The following PRIM1 variants were observed in gnomAD, a reference collection of about 807,000 sequenced individuals.
The protein encoded by PRIM1 is DNA primase small subunit.
PRIM1 carries 38 observed loss-of-function variants against 60.2 expected under a neutral mutation model. The ratio of observed to expected loss-of-function variants is 0.63; its 90% confidence interval spans 0.49 to 0.83. The LOEUF (loss-of-function observed/expected upper bound fraction) is 0.83. Among genes scored for constraint, PRIM1 ranks in the 40% least tolerant of loss-of-function variants. PRIM1 has a pLI of 0.00. For synonymous variants in PRIM1, 158 were observed against 160.2 expected (o/e 0.99, Z 0.10); for missense variants, 388 against 506.2 (o/e 0.77, Z 2.24).
At chr12:56,734,828 T>C (rs893654081) in intron 11 of PRIM1, among the ~76,000 whole-genome samples, 1 of 146,216 alleles carries the variant, frequency 6.8e-6, no homozygotes, top group African/African-American at 2.5e-5. Flanking sequence ...TTTTTTTTTT[T>C]TGAGACAGAG....
chr12:56,749,551 G>A (rs1352734553), intron 2 of PRIM1, among the ~76,000 whole-genome samples: 2 of 152,082 alleles, frequency 1.3e-5, no homozygotes, highest in Admixed American at 1.3e-4. Context: ...ACCTATAAAG[G>A]GGAAGTAAAA....
At chr12:56,745,844 C>G (rs979744311) in intron 5 of PRIM1, among the ~76,000 whole-genome samples, 3 of 150,932 alleles carry the variant, frequency 2.0e-5, no homozygotes, top group Non-Finnish European at 4.4e-5. Flanking sequence ...GAGGCTGAGG[C>G]AGGAGAATTG....
rs1361614034 is a variant in PRIM1, at chr12:56,731,737, A to G, written c.1244-3T>C. On this transcript the variant is annotated splice_polypyrimidine_tract_variant and splice_region_variant and intron_variant, in intron 12 of 12. Coordinates refer to ENST00000338193, the MANE Select transcript of PRIM1 (RefSeq NM_000946.3). Reference sequence around the variant, plus strand: ...TCTTCAGAAATCTTTTTGTAAATCTAAAATAGAATAGATAATATATGGAAG... The same window carrying G: ...TCTTCAGAAATCTTTTTGTAAATCTGAAATAGAATAGATAATATATGGAAG... 3 of 1,501,864 alleles carry G rather than the reference A, an allele frequency of 2.0e-6. No homozygotes were observed. The highest frequency in any genetic ancestry group is 9.0e-7 in the Non-Finnish European group (1 of 1,107,490). 93.0% of individuals were successfully genotyped at this position (1,501,864 alleles called of 1,614,324 possible).
chr12:56,744,282 A>G (rs547917829), intron 5 of PRIM1, among the ~76,000 whole-genome samples, 159 bp from the exon 6 acceptor site: 3 of 152,136 alleles, frequency 2.0e-5, no homozygotes, highest in South Asian at 2.1e-4. Context: ...AGGTGGGTGG[A>G]TCACCTGAGG....
chr12:56,733,104 T>G (rs1953795750), intron 12 of PRIM1, among the ~76,000 whole-genome samples: 1 of 150,786 alleles, frequency 6.6e-6, no homozygotes, highest in Admixed American at 6.6e-5. Context: ...ATCCACCTGC[T>G]TTGGCCTCCC....
chr12:56,749,933 C>T (rs1953934431), intron 2 of PRIM1, among the ~76,000 whole-genome samples: 1 of 152,200 alleles, frequency 6.6e-6, no homozygotes, highest in Non-Finnish European at 1.5e-5. Context: ...GCCAGGCACT[C>T]TTCTAGGGTA....
intron 11 of PRIM1, among the ~76,000 whole-genome samples, chr12:56,735,331 C>G (rs1953819167): frequency 6.6e-6 from 1 of 151,914 alleles, no homozygotes; most frequent in Non-Finnish European, 1.5e-5. Context: ...ATCTCTTGAC[C>G]TCGTGATCCA....
intron 9 of PRIM1, among the ~76,000 whole-genome samples, chr12:56,740,137 A>G (rs1320550879): frequency 6.6e-6 from 1 of 151,806 alleles, no homozygotes; most frequent in African/African-American, 2.4e-5. Context: ...CTCTGTCTCG[A>G]AAAAAAAGGA....
intron 11 of PRIM1, among the ~76,000 whole-genome samples, chr12:56,736,693 G>A (rs969241027): frequency 2.0e-5 from 3 of 151,996 alleles, no homozygotes; most frequent in South Asian, 2.1e-4. Flanking sequence ...TAGTAGAGAC[G>A]GGGTTTAACC....
chr12:56,741,542 A>G lies in PRIM1; in HGVS notation c.875T>C (p.Leu292Pro). The G allele has an allele frequency of 6.2e-7, 1 of 1,613,492 alleles. No homozygotes were observed. The highest frequency in any genetic ancestry group is 8.5e-7 in the Non-Finnish European group (1 of 1,179,704). Residue 292 changes from leucine to proline, a missense_variant, in exon 9 of 13, where the codon CTG becomes CCG. By Grantham distance (98) the Leu-to-Pro change is moderately conservative. This residue lies in a region of PRIM1 where 211 missense variants were observed against 277.9 expected (regional missense o/e 0.76). Coordinates refer to ENST00000338193, the MANE Select transcript of PRIM1 (RefSeq NM_000946.3). ...NIKNDKYGPW[L>P]EWEIMLQYCF... ...GTACTGGAGCATAATCTCCCACTCC[A>G]GCCAGGGTCCATATTTGTCATTTTT... is the stretch of plus-strand genomic sequence containing the variant.
chr12:56,733,794 T>G (rs373441408), intron 12 of PRIM1, among the ~76,000 whole-genome samples: 156 of 152,110 alleles, frequency 1.0e-3, no homozygotes, highest in African/African-American at 3.6e-3. Context: ...TTTCACCATG[T>G]TGGCCAGGCT....
chr12:56,733,255 T>G (rs1953797445), intron 12 of PRIM1, among the ~76,000 whole-genome samples: 1 of 151,288 alleles, frequency 6.6e-6, no homozygotes. Context: ...CCTCCTGGGT[T>G]CAAGTGATTC....
At chr12:56,750,606 T>C (rs78991844) in intron 2 of PRIM1, among the ~76,000 whole-genome samples, 1 of 151,918 alleles carries the variant, frequency 6.6e-6, no homozygotes, top group African/African-American at 2.4e-5. Context: ...TTTTTTTTTT[T>C]TGAGGCCAAG....
chr12:56,731,587 T>C lies in PRIM1; in HGVS notation c.*128A>G. 1.0e-6 allele frequency: 1 copy of C among 952,538 alleles called. No homozygotes were observed. Among genetic ancestry groups the C allele is most frequent in the Non-Finnish European group, 1.5e-6 (1 of 649,966 alleles). The allele number at this position is 952,538 out of a possible 1,614,324, so 59.0% of individuals were successfully genotyped here. On this transcript the variant is annotated 3_prime_UTR_variant, in exon 13 of 13. Transcript: ENST00000338193. ...AAATCTTTTCAACATAAATTATTTC[T>C]CAAGGAAAATTTACTTTGAGGTTTA...
At chr12:56,752,131 C>T in intron 1 of PRIM1, 65 bp downstream of exon 1, 1 of 1,238,728 alleles carries the variant, frequency 8.1e-7, no homozygotes, top group Non-Finnish European at 1.1e-6. Context: ...TATTGTCATT[C>T]TAAGGACACC....
intron 7 of PRIM1, 84 bp downstream of exon 7, chr12:56,742,903 A>C: frequency 1.0e-6 from 1 of 1,000,324 alleles, no homozygotes; most frequent in Non-Finnish European, 1.4e-6. Context: ...GTATATGAGA[A>C]CTTACAAGCA....
chr12:56,747,419 C>A (rs1312301375), intron 2 of PRIM1, among the ~76,000 whole-genome samples: 1 of 152,110 alleles, frequency 6.6e-6, no homozygotes, highest in Non-Finnish European at 1.5e-5. Flanking sequence ...AAAAGATCTC[C>A]CCAATTAGTT....
At chr12:56,744,154 AG>A (rs1325095443) in intron 5 of PRIM1, 31 bp from the exon 6 acceptor site, 1 of 1,453,844 alleles carries the variant, frequency 6.9e-7, no homozygotes. Flanking sequence ...AAAGAACTTC[AG>A]GTATACAATA....
At chr12:56,752,117 T>A (rs1323383404) in intron 1 of PRIM1, 79 bp downstream of exon 1, 1 of 1,060,182 alleles carries the variant, frequency 9.4e-7, no homozygotes, top group East Asian at 2.7e-5. Flanking sequence ...CAGAAGGCGC[T>A]TCATATTGTC....
Sources: gnomAD v4.1 joint callset for allele counts (sites outside exome capture counted in the v4.1 genomes callset) on GRCh38, gnomAD v4.1.1 for gene constraint, gnomAD v4.1.1 regional missense constraint, MANE v1.5 for transcripts, NCBI Gene and HGNC (gene_info 2026-07-23, HGNC 2026-07-21) for gene names.